FGFR2: variants seen among roughly 807,000 people sequenced by gnomAD.
FGFR2 encodes fibroblast growth factor receptor 2.
Under a neutral mutation model 95.9 loss-of-function variants are expected in FGFR2, and 19 were observed. The ratio of observed to expected loss-of-function variants is 0.20; its 90% CI spans 0.14 to 0.29. The LOEUF is 0.29. FGFR2 is among the 10% of genes least tolerant of loss of function. FGFR2 has a pLI of 1.00. For synonymous variants in FGFR2, 392 were observed against 393.3 expected (o/e 1.00, Z 0.04); for missense variants, 707 against 1,056.9 (o/e 0.67, Z 4.59).
chr10:121,496,674 T>TC lies in FGFR2; in HGVS notation c.1720dup (p.Glu574GlyfsTer16). 6.2e-7 allele frequency: 1 copy of TC among 1,612,352 alleles called. No homozygotes were observed. Among genetic ancestry groups the TC allele is most frequent in the Non-Finnish European group, 8.5e-7 (1 of 1,179,984 alleles). On this transcript the variant is annotated frameshift_variant, in exon 13 of 18. Transcript: ENST00000358487. LOFTEE classifies it high-confidence loss of function. ...GGGTGGCCTCCGGGCTCGGAGGTAT[T>TC]CTCGGAGGTTGCCTTTAGAGGCATA...
intron 4 of FGFR2, among the ~76,000 whole-genome samples, chr10:121,554,270 C>A (rs1564978144): frequency 6.6e-6 from 1 of 152,122 alleles, no homozygotes; most frequent in Non-Finnish European, 1.5e-5. Context: ...CAGCACACAG[C>A]CTCTCTTTAA....
At position 121,551,306 on chromosome 10, in the gene FGFR2, C is replaced by T. The variant is rs747502397; in HGVS notation, c.608G>A (p.Arg203His). The T allele has an allele frequency of 1.2e-6, 2 of 1,614,214 alleles. No individual in the cohort carries two copies. Among genetic ancestry groups the T allele is most frequent in the Non-Finnish European group, 1.7e-6 (2 of 1,180,038 alleles). Residue 203 changes from arginine to histidine, a missense_variant, in exon 5 of 18, where the codon CGC becomes CAC. Coordinates refer to ENST00000358487, the MANE Select transcript of FGFR2 (RefSeq NM_000141.5). ...KNGKEFKQEH[R>H]IGGYKVRNQH... is the part of the protein sequence containing the mutation. ...TAATTCTACCTTGTAGCCTCCAATG[C>T]GATGCTCCTGCTTAAACTCCTTCCC...
chr10:121,533,759 T>C (rs1266336921), intron 6 of FGFR2, among the ~76,000 whole-genome samples: 1 of 152,162 alleles, frequency 6.6e-6, no homozygotes, highest in Non-Finnish European at 1.5e-5. Context: ...AGAAGTCCGC[T>C]TGGAGAGCAA....
chr10:121,485,448 C>T lies in FGFR2; in HGVS notation c.2142G>A (p.Lys714=). 1 of 1,614,156 alleles carries T rather than the reference C, an allele frequency of 6.2e-7. No homozygotes were observed. The highest frequency in any genetic ancestry group is 8.5e-7 in the Non-Finnish European group (1 of 1,180,044). ...CCATTCTGTGTCCTTCCTTCAGCAG[C>T]TTAAAAAGTTCCTCCACGGGAATCC... ...YPGIPVEELF[K]LLKEGHRMDK... Residue 714 remains lysine (K), a synonymous_variant, in exon 16 of 18, where the codon AAG becomes AAA. Coordinates refer to ENST00000358487, the MANE Select transcript of FGFR2 (RefSeq NM_000141.5). The surrounding 1 kb of genome is among the most constrained non-coding windows in gnomAD (Gnocchi z 4.2).
At chr10:121,557,499 G>A (rs770317450) in intron 4 of FGFR2, among the ~76,000 whole-genome samples, 3 of 151,936 alleles carry the variant, frequency 2.0e-5, no homozygotes, top group South Asian at 2.1e-4. Flanking sequence ...GTAGAGATGC[G>A]GTCTTGCTAT....
At chr10:121,519,157 C>G (rs1850144263) in intron 7 of FGFR2, among the ~76,000 whole-genome samples, 1 of 152,100 alleles carries the variant, frequency 6.6e-6, no homozygotes, top group Admixed American at 6.6e-5. Context: ...AGCTGGGTCA[C>G]CTATGGTTCT....
intron 9 of FGFR2, among the ~76,000 whole-genome samples, chr10:121,511,598 T>C (rs1170876058): frequency 6.6e-6 from 1 of 152,158 alleles, no homozygotes; most frequent in Non-Finnish European, 1.5e-5. Flanking sequence ...GGGCTGGCTG[T>C]TGTTGGTCTC....
At chr10:121,487,948 C>T (rs759861623) in intron 14 of FGFR2, 43 bp downstream of exon 14, 34 of 1,613,428 alleles carry the variant, frequency 2.1e-5, no homozygotes, top group Non-Finnish European at 2.9e-5. Flanking sequence ...CATTCTGAGC[C>T]TCACCCCCGC....
chr10:121,577,148 A>AT (rs1859936127), intron 2 of FGFR2, among the ~76,000 whole-genome samples: 1 of 24,270 alleles, frequency 4.1e-5, no homozygotes, highest in African/African-American at 1.9e-4. Flanking sequence ...AAAAAAAAAA[A>AT]AAAAAAAAAA....
At chr10:121,523,525 A>C (rs912777997) in intron 6 of FGFR2, among the ~76,000 whole-genome samples, 5 of 152,168 alleles carry the variant, frequency 3.3e-5, no homozygotes, top group African/African-American at 1.2e-4. Flanking sequence ...CAGGCCTCCT[A>C]CCAAGAGACT....
Position 121,483,714 on chromosome 10 carries a change from G to A in FGFR2, c.2285C>T (p.Thr762Ile), listed in dbSNP as rs1319294677. Residue 762 changes from threonine to isoleucine, a missense_variant, in exon 17 of 18, where the codon ACT becomes ATT. Thr to Ile is a moderately conservative substitution (Grantham distance 89). This residue lies in a region of FGFR2 where 104 missense variants were observed against 214.2 expected (regional missense o/e 0.49). Transcript: ENST00000358487. ...AGTTCTTACCTCATTGGTTGTGAGA[G>A]TGAGAATTCGATCCAAGTCTTCTAC... ...QLVEDLDRIL[T>I]LTTNEEYLDL... 1.2e-6 allele frequency: 2 copies of A among 1,613,740 alleles called. No individual in the cohort carries two copies. Among genetic ancestry groups the A allele is most frequent in the Non-Finnish European group, 1.7e-6 (2 of 1,179,784 alleles).
chr10:121,587,869 C>T (rs927345183), intron 2 of FGFR2, among the ~76,000 whole-genome samples: 2 of 152,286 alleles, frequency 1.3e-5, no homozygotes, highest in South Asian at 2.1e-4. Flanking sequence ...AACTACCATT[C>T]GACCCAGCAA....
At chr10:121,506,720 C>G (rs1178881893) in intron 9 of FGFR2, among the ~76,000 whole-genome samples, 1 of 152,102 alleles carries the variant, frequency 6.6e-6, no homozygotes, top group Non-Finnish European at 1.5e-5. Context: ...AACAAGGGCA[C>G]TTAAACGTTT....
chr10:121,492,602 T>C (rs1202308969), intron 13 of FGFR2, among the ~76,000 whole-genome samples: 2 of 152,220 alleles, frequency 1.3e-5, no homozygotes, highest in African/African-American at 2.4e-5. Flanking sequence ...TGTGAGGGGA[T>C]GGGTGTGGGA....
At position 121,518,969 on chromosome 10, in the gene FGFR2, G is replaced by A. The variant is rs1850108178; in HGVS notation, c.939+1010C>T. The A allele has an allele frequency of 9.7e-7, 1 of 1,034,646 alleles. No homozygotes were observed. The highest frequency in any genetic ancestry group is 1.9e-5 in the Admixed American group (1 of 51,580). 64.1% of individuals were successfully genotyped at this position (1,034,646 alleles called of 1,614,324 possible). On this transcript the variant is annotated intron_variant, in intron 7 of 17. Coordinates refer to ENST00000358487, the MANE Select transcript of FGFR2 (RefSeq NM_000141.5). This position sits in a 1 kb window ranked among gnomAD's most constrained non-coding sequence, Gnocchi z 4.0. ...GCATTAAAGGGCTGCGGATTTTAAA[G>A]AACAAAATCAGTCCAGTGGTGGACA...
At position 121,517,443 on chromosome 10, in the gene FGFR2, C is replaced by G. The variant is rs768112524; in HGVS notation, c.960G>C (p.Thr320=). 10 of 1,614,046 alleles carry G rather than the reference C, an allele frequency of 6.2e-6. No homozygotes were observed. In the South Asian group the frequency reaches 1.1e-4, roughly 18 times the overall value. ...TATAGAGAACCTCAATCTCTTTGTCCGTGGTGTTAACACCGGCGGCCTAGA... is the reference window on the plus strand; with the variant it reads ...TATAGAGAACCTCAATCTCTTTGTCGGTGGTGTTAACACCGGCGGCCTAGA... The part of the protein sequence containing the change: ...KVLKAAGVNT[T]DKEIEVLYIR... The change falls in exon 8 of 18, where the codon ACG becomes ACC. Residue 320 remains threonine (T), a synonymous_variant. Coordinates refer to ENST00000358487, the MANE Select transcript of FGFR2 (RefSeq NM_000141.5). The surrounding 1 kb of genome is among the most constrained non-coding windows in gnomAD (Gnocchi z 4.7).
chr10:121,506,200 T>TA (rs978848491), intron 9 of FGFR2, among the ~76,000 whole-genome samples: 27 of 150,796 alleles, frequency 1.8e-4, no homozygotes, highest in East Asian at 7.8e-4. Context: ...CTACTAAAAA[T>TA]AAAAAAAATG....
intron 2 of FGFR2, among the ~76,000 whole-genome samples, chr10:121,584,862 C>A (rs113913248): frequency 8.8e-5 from 7 of 79,408 alleles, no homozygotes; most frequent in Admixed American, 1.3e-4. Flanking sequence ...CCGCACCCCA[C>A]CCCAACCGAT....
rs942613269 is a variant in FGFR2 at position 121,517,511 on chromosome 10, A to C, written c.940-48T>G. 5 of 1,612,842 alleles carry C rather than the reference A, an allele frequency of 3.1e-6. No homozygotes were observed. The highest frequency in any genetic ancestry group is 1.7e-5 in the Admixed American group (1 of 59,964). On this transcript the variant is annotated intron_variant, in intron 7 of 17. Coordinates refer to ENST00000358487, the MANE Select transcript of FGFR2 (RefSeq NM_000141.5). This position sits in a 1 kb window ranked among gnomAD's most constrained non-coding sequence, Gnocchi z 4.7. ...GAAAAGGCTAGACGACACAGGAATG[A>C]TTGTGGAGGGGGCTGTGGAACCACA...
Sources: allele counts gnomAD v4.1 joint callset (sites outside exome capture counted in the v4.1 genomes callset), GRCh38; gene constraint gnomAD v4.1.1; regional missense constraint gnomAD v4.1.1; non-coding constraint Gnocchi (gnomAD v3.1); transcripts MANE v1.5; gene names NCBI Gene and HGNC (gene_info 2026-07-23, HGNC 2026-07-21).